The following FRAS1 variants were observed in gnomAD, a reference collection of about 807,000 sequenced individuals.
The protein encoded by FRAS1 is extracellular matrix organizing protein FRAS1.
In FRAS1, 290 loss-of-function variants were observed where a neutral mutation model predicts 435.2. That is an observed-to-expected ratio of 0.67 (90% CI 0.61 to 0.73). FRAS1 has a LOEUF of 0.73. Among genes scored for constraint, FRAS1 ranks in the 30% least tolerant of loss-of-function variants. FRAS1 has a pLI of 0.00. For missense variants in FRAS1, 4,860 were observed against 5,001.5 expected (o/e 0.97, Z 0.85); for synonymous variants, 1,800 against 1,851.0 (o/e 0.97, Z 0.71).
At chr4:78,331,919 G>A (rs577586684) in intron 18 of FRAS1, among the ~76,000 whole-genome samples, 28 of 152,272 alleles carry the variant, frequency 1.8e-4, no homozygotes, top group Admixed American at 1.2e-3. Context: ...TTACAGCTTC[G>A]AAGAGGAAGG....
At chr4:78,370,045 A>G (rs1731438857) in intron 23 of FRAS1, 61 bp downstream of exon 23, 18 of 1,514,290 alleles carry the variant, frequency 1.2e-5, no homozygotes, top group Non-Finnish European at 1.6e-5. Context: ...TTTACTACTG[A>G]TGTCTAGTTT....
intron 2 of FRAS1, among the ~76,000 whole-genome samples, chr4:78,111,712 C>G (rs1578129564): frequency 7.8e-6 from 1 of 128,106 alleles, no homozygotes; most frequent in Non-Finnish European, 1.6e-5. Flanking sequence ...TGTAACTAAC[C>G]TGCACAATGT....
intron 2 of FRAS1, among the ~76,000 whole-genome samples, chr4:78,220,114 C>A (rs1723988278): frequency 6.6e-6 from 1 of 152,136 alleles, no homozygotes. Flanking sequence ...TCCAAATTGA[C>A]CAGAATCTTT....
intron 2 of FRAS1, among the ~76,000 whole-genome samples, chr4:78,191,716 G>T (rs1220846160): frequency 6.7e-6 from 1 of 148,474 alleles, no homozygotes; most frequent in Non-Finnish European, 1.5e-5. Context: ...AACAGGCCCC[G>T]GTGTGTGATG....
chr4:78,517,974 G>A (rs1721261504), intron 66 of FRAS1, among the ~76,000 whole-genome samples: 1 of 152,078 alleles, frequency 6.6e-6, no homozygotes, highest in African/African-American at 2.4e-5. Flanking sequence ...AAGAGGGGCT[G>A]GGAACAGTGG....
intron 41 of FRAS1, 141 bp downstream of exon 41, chr4:78,441,438 G>C: frequency 1.2e-6 from 1 of 831,540 alleles, no homozygotes; most frequent in South Asian, 1.7e-5. Context: ...AGGTAGGAAG[G>C]TTTCATTCAT....
chr4:78,337,888 G>A (rs564560465), intron 20 of FRAS1, 71 bp downstream of exon 20: 4 of 1,517,114 alleles, frequency 2.6e-6, no homozygotes, highest in Middle Eastern at 1.9e-4. Flanking sequence ...CCAGGCTTAA[G>A]GGGGCTCTTT....
chr4:78,308,483 C>A (rs1425177626), intron 15 of FRAS1, among the ~76,000 whole-genome samples: 1 of 152,186 alleles, frequency 6.6e-6, no homozygotes, highest in East Asian at 1.9e-4. Flanking sequence ...GCTCAAGACC[C>A]ACAGCTGGAG....
At chr4:78,393,511 A>G (rs1239912822) in intron 29 of FRAS1, among the ~76,000 whole-genome samples, 1 of 152,066 alleles carries the variant, frequency 6.6e-6, no homozygotes, top group East Asian at 1.9e-4. Context: ...CAGATTCCAC[A>G]TATAAGCAAG....
At chr4:78,499,633 C>G (rs4975134) in intron 60 of FRAS1, 88 bp from the exon 61 acceptor site, 1 of 1,254,624 alleles carries the variant, frequency 8.0e-7, no homozygotes, top group Admixed American at 2.0e-5. Flanking sequence ...GAACAATTTC[C>G]TCTTGTCATT....
intron 9 of FRAS1, among the ~76,000 whole-genome samples, chr4:78,272,579 C>T (rs1439282252): frequency 1.3e-5 from 2 of 152,290 alleles, no homozygotes; most frequent in East Asian, 1.9e-4. Context: ...ATCATTTCCC[C>T]GTTTCTTGTT....
At chr4:78,088,715 A>G (rs1439941398) in intron 2 of FRAS1, among the ~76,000 whole-genome samples, 2 of 152,216 alleles carry the variant, frequency 1.3e-5, no homozygotes, top group South Asian at 2.1e-4. Flanking sequence ...AATGCAAATC[A>G]AAACCACAAT....
chr4:78,113,854 T>C (rs1448462909), intron 2 of FRAS1, among the ~76,000 whole-genome samples: 1 of 152,246 alleles, frequency 6.6e-6, no homozygotes, highest in Non-Finnish European at 1.5e-5. Flanking sequence ...TTGTCAATTT[T>C]GGCTTTTGTT....
At chr4:78,220,994 C>T (rs1724028132) in intron 2 of FRAS1, among the ~76,000 whole-genome samples, 1 of 152,000 alleles carries the variant, frequency 6.6e-6, no homozygotes, top group Non-Finnish European at 1.5e-5. Flanking sequence ...ATGGCAAAAC[C>T]CTGTCTCTAC....
At chr4:78,208,587 A>C (rs917814933) in intron 2 of FRAS1, among the ~76,000 whole-genome samples, 1 of 152,218 alleles carries the variant, frequency 6.6e-6, no homozygotes, top group African/African-American at 2.4e-5. Context: ...AATAAAAAAC[A>C]ATCAAAACTT....
At chr4:78,060,758 G>C (rs1475951075) in intron 1 of FRAS1, among the ~76,000 whole-genome samples, 1 of 152,096 alleles carries the variant, frequency 6.6e-6, no homozygotes, top group Non-Finnish European at 1.5e-5. Flanking sequence ...AGATACTTTG[G>C]CTAATCATCA....
chr4:78,270,881 C>G (rs969950707), intron 9 of FRAS1, among the ~76,000 whole-genome samples: 1 of 152,046 alleles, frequency 6.6e-6, no homozygotes, highest in African/African-American at 2.4e-5. Flanking sequence ...GCCTATTGGC[C>G]TCTGACTGAC....
chr4:78,136,858 T>G (rs1466904572), intron 2 of FRAS1, among the ~76,000 whole-genome samples: 1 of 152,152 alleles, frequency 6.6e-6, no homozygotes, highest in East Asian at 1.9e-4. Context: ...TTCCCCACCC[T>G]ATCAGTTTAA....
intron 14 of FRAS1, among the ~76,000 whole-genome samples, chr4:78,303,947 A>T (rs1027858083): frequency 2.0e-5 from 3 of 151,514 alleles, no homozygotes; most frequent in Non-Finnish European, 2.9e-5. Context: ...TTTCAAAGGG[A>T]ATGCTTCCAG....
Sources: gnomAD v4.1 joint callset for allele counts (sites outside exome capture counted in the v4.1 genomes callset) on GRCh38, gnomAD v4.1.1 for gene constraint, MANE v1.5 for transcripts, NCBI Gene and HGNC (gene_info 2026-07-23, HGNC 2026-07-21) for gene names.